Variants in DNM3 observed in about 807,000 individuals in gnomAD.
DNM3 encodes the protein dynamin-3.
In DNM3, 47 loss-of-function variants were observed where a neutral mutation model predicts 101.6. That is an observed-to-expected ratio of 0.46 (90% confidence interval 0.37 to 0.59). DNM3 has a LOEUF of 0.59. DNM3 is among the 20% of genes least tolerant of loss of function. The pLI is 0.00. For missense variants in DNM3, 849 were observed against 1,085.7 expected, an observed-to-expected ratio of 0.78 and a Z score of 3.06; for synonymous variants, 385 against 387.9, an observed-to-expected ratio of 0.99 and a Z score of 0.09.
Position 171,988,088 on chromosome 1 carries a change from T to G in DNM3, c.385+283T>G, listed in dbSNP as rs545546744. On this transcript the variant is annotated intron_variant, in intron 3 of 20. Coordinates refer to ENST00000627582, the MANE Select transcript of DNM3 (RefSeq NM_015569.5). ...AAGGGTATATATGAAAACTTCCATT[T>G]TTCAGTCTTTGCTGAAATCTTAGAG... 2.0e-5 allele frequency among the ~76,000 whole-genome samples: 3 copies of G among 152,320 alleles called. No homozygotes were observed. In the South Asian group the frequency reaches 6.2e-4, roughly 32 times the overall value.
chr1:172,202,857 G>T (rs915002916), intron 14 of DNM3, among the ~76,000 whole-genome samples: 4 of 152,064 alleles, frequency 2.6e-5, no homozygotes, highest in Non-Finnish European at 4.4e-5. Context: ...CTTGAGAAAA[G>T]GTTGACTGAG....
At chr1:172,110,316 A>C (rs975410475) in intron 13 of DNM3, among the ~76,000 whole-genome samples, 1 of 152,166 alleles carries the variant, frequency 6.6e-6, no homozygotes, top group Non-Finnish European at 1.5e-5. Flanking sequence ...CCTCAACTGC[A>C]TGTTCCCATA....
intron 14 of DNM3, among the ~76,000 whole-genome samples, chr1:172,246,413 AT>A (rs1186271549): frequency 6.6e-6 from 1 of 152,182 alleles, no homozygotes; most frequent in Admixed American, 6.6e-5. Flanking sequence ...GATTAAAAAA[AT>A]AAGTCTGCAA....
At chr1:171,843,520 T>C (rs975623924) in intron 1 of DNM3, among the ~76,000 whole-genome samples, 1 of 152,226 alleles carries the variant, frequency 6.6e-6, no homozygotes, top group Non-Finnish European at 1.5e-5. Flanking sequence ...TTTTTGTTTT[T>C]TAAACAAATA....
At chr1:172,049,865 A>G (rs1290729057) in intron 10 of DNM3, among the ~76,000 whole-genome samples, 5 of 152,164 alleles carry the variant, frequency 3.3e-5, no homozygotes, top group African/African-American at 1.2e-4. Context: ...TCAGGTAAAG[A>G]ACAGATGTAC....
In DNM3 at chr1:172,092,812, T is replaced by C. The variant is rs1398854042; in HGVS notation, c.1494-12T>C. On this transcript the variant is annotated splice_polypyrimidine_tract_variant and intron_variant, in intron 12 of 20. Coordinates refer to ENST00000627582, the MANE Select transcript of DNM3 (RefSeq NM_015569.5). Reference sequence around the variant, plus strand: ...GTGTCTCTTCAGTGCTGCTTTCCTTTGCTTTTCTCAGTGCTCAGCAGAGGA... The same window carrying C: ...GTGTCTCTTCAGTGCTGCTTTCCTTCGCTTTTCTCAGTGCTCAGCAGAGGA... 2 of 1,552,202 alleles carry C rather than the reference T, an allele frequency of 1.3e-6. No homozygotes were observed. Among genetic ancestry groups the C allele is most frequent in the Non-Finnish European group, 1.7e-6 (2 of 1,147,812 alleles).
chr1:172,335,259 T>C (rs2066368402), intron 17 of DNM3, among the ~76,000 whole-genome samples: 1 of 152,114 alleles, frequency 6.6e-6, no homozygotes, highest in Non-Finnish European at 1.5e-5. Flanking sequence ...TCAGCCCATT[T>C]AGAGGTAGAG....
At chr1:172,084,839 G>A (rs940047786) in intron 12 of DNM3, among the ~76,000 whole-genome samples, 2 of 152,220 alleles carry the variant, frequency 1.3e-5, no homozygotes, top group Non-Finnish European at 2.9e-5. Context: ...GGATGGTGAT[G>A]TACATAGTAC....
chr1:172,046,250 T>C (rs902380304), intron 9 of DNM3, among the ~76,000 whole-genome samples: 1 of 152,138 alleles, frequency 6.6e-6, no homozygotes, highest in Non-Finnish European at 1.5e-5. Context: ...TTCATGTCCT[T>C]TGTAGGGACA....
At chr1:171,959,926 G>A (rs1170886191) in intron 2 of DNM3, among the ~76,000 whole-genome samples, 1 of 152,128 alleles carries the variant, frequency 6.6e-6, no homozygotes, top group East Asian at 1.9e-4. Flanking sequence ...CGGGTACTGT[G>A]GAGGGGGTAG....
intron 16 of DNM3, among the ~76,000 whole-genome samples, chr1:172,313,363 G>A (rs1006184699): frequency 2.1e-4 from 32 of 152,138 alleles, no homozygotes; most frequent in Non-Finnish European, 1.0e-4. Flanking sequence ...TGACACGTAC[G>A]TAAATTTTTC....
At chr1:172,210,482 A>G (rs2060477679) in intron 14 of DNM3, among the ~76,000 whole-genome samples, 1 of 151,998 alleles carries the variant, frequency 6.6e-6, no homozygotes, top group East Asian at 1.9e-4. Context: ...CAATGTTTCT[A>G]ACACCAGGAG....
chr1:171,900,856 C>G (rs935425119), intron 1 of DNM3, among the ~76,000 whole-genome samples: 3 of 151,880 alleles, frequency 2.0e-5, no homozygotes, highest in African/African-American at 7.3e-5. Flanking sequence ...CGCCTATAAT[C>G]CTAGCATTTA....
intron 17 of DNM3, among the ~76,000 whole-genome samples, chr1:172,328,968 T>C (rs2066063475): frequency 6.6e-6 from 1 of 152,076 alleles, no homozygotes; most frequent in African/African-American, 2.4e-5. Flanking sequence ...GTGTGACCCA[T>C]CATGCCTGGC....
At chr1:172,227,031 G>C (rs1002586753) in intron 14 of DNM3, among the ~76,000 whole-genome samples, 1 of 151,486 alleles carries the variant, frequency 6.6e-6, no homozygotes, top group Non-Finnish European at 1.5e-5. Context: ...GTACCAGTAC[G>C]TAGTTTTTCA....
intron 17 of DNM3, among the ~76,000 whole-genome samples, chr1:172,336,920 G>A (rs188936564): frequency 2.7e-4 from 41 of 152,286 alleles, no homozygotes; most frequent in Non-Finnish European, 5.0e-4. Flanking sequence ...TCTACCTCAC[G>A]AGGACTAAAT....
chr1:172,193,773 A>C (rs150014952), intron 14 of DNM3, among the ~76,000 whole-genome samples: 13,678 of 151,992 alleles, frequency 0.09, 742 homozygotes, highest in Middle Eastern at 0.15. Context: ...TAGTCTTGCT[A>C]GCGGTCTATC....
At chr1:172,415,977 T>A (rs1055991328), downstream of DNM3, among the ~76,000 whole-genome samples, 3 of 152,182 alleles carry the variant, frequency 2.0e-5, no homozygotes, top group Non-Finnish European at 4.4e-5. Flanking sequence ...TGTTAATAAT[T>A]GAGTCTTTTA....
chr1:172,204,880 A>G (rs1227641196), intron 14 of DNM3, among the ~76,000 whole-genome samples: 1 of 152,136 alleles, frequency 6.6e-6, no homozygotes, highest in Non-Finnish European at 1.5e-5. Flanking sequence ...TGGGCAAAAC[A>G]TCTGCTGCCT....
Sources: gnomAD v4.1 joint callset for allele counts (sites outside exome capture counted in the v4.1 genomes callset) on GRCh38, gnomAD v4.1.1 for gene constraint, MANE v1.5 for transcripts, NCBI Gene and HGNC (gene_info 2026-07-23, HGNC 2026-07-21) for gene names.